DIAPH3: variants seen among roughly 807,000 people sequenced by gnomAD.
DIAPH3 encodes diaphanous related formin 3.
DIAPH3 carries 117 observed loss-of-function variants against 144.3 expected under a neutral mutation model. That is an observed-to-expected ratio of 0.81 (90% CI 0.70 to 0.95). The LOEUF (loss-of-function observed/expected upper bound fraction) is 0.95. DIAPH3 is among the 40% of genes least tolerant of loss of function. The pLI is 0.00. For missense variants in DIAPH3, 1,421 were observed against 1,412.7 expected (o/e 1.01, Z -0.09); for synonymous variants, 519 against 488.9 (o/e 1.06, Z -0.81).
intron 9 of DIAPH3, among the ~76,000 whole-genome samples, chr13:59,993,702 T>TTA (rs577489826): frequency 5.4e-5 from 4 of 73,896 alleles, no homozygotes; most frequent in Non-Finnish European, 7.5e-5. Context: ...GAAACATACT[T>TTA]AAAAAAAAAA....
At chr13:59,699,404 A>G (rs12584678) in intron 27 of DIAPH3, among the ~76,000 whole-genome samples, 3,203 of 152,324 alleles carry the variant, frequency 0.021, 84 homozygotes, top group East Asian at 0.12. Context: ...GGGCTGGAGT[A>G]GCAGAAATGA....
At chr13:59,811,258 T>C (rs2040457380) in intron 24 of DIAPH3, among the ~76,000 whole-genome samples, 1 of 152,116 alleles carries the variant, frequency 6.6e-6, no homozygotes, top group African/African-American at 2.4e-5. Context: ...CATATACATT[T>C]CCAAAAGTGT....
intron 25 of DIAPH3, among the ~76,000 whole-genome samples, chr13:59,790,470 T>C (rs1344595558): frequency 6.6e-6 from 1 of 152,226 alleles, no homozygotes; most frequent in Non-Finnish European, 1.5e-5. Flanking sequence ...ATTTCTAACA[T>C]AAACTTTGTG....
intron 24 of DIAPH3, among the ~76,000 whole-genome samples, chr13:59,812,397 AAG>A (rs778365265): frequency 2.0e-5 from 3 of 152,074 alleles, no homozygotes; most frequent in Admixed American, 1.3e-4. Flanking sequence ...GAGAAAAAAA[AAG>A]AGAGAGAGGA....
In DIAPH3 at chr13:60,088,786, T is replaced by C. The variant is rs192741586; in HGVS notation, c.495+4842A>G. ...ACAGGCCTGTGCCACTACACCCAGC[T>C]AATTTTTGTATTTTTAGGAGAGACA... On this transcript the variant is annotated intron_variant, in intron 4 of 27. Transcript: ENST00000400324. 4.6e-5 allele frequency among the ~76,000 whole-genome samples: 7 copies of C among 152,208 alleles called. No individual in the cohort carries two copies. In the East Asian group the frequency reaches 1.4e-3, roughly 29 times the overall value.
chr13:60,115,724 AAC>A (rs1408883491), intron 2 of DIAPH3, among the ~76,000 whole-genome samples: 2 of 152,142 alleles, frequency 1.3e-5, no homozygotes, highest in African/African-American at 4.8e-5. Context: ...TAAGTGAGAA[AAC>A]AGACTATTAT....
chr13:60,078,413 A>G (rs2057446541), intron 4 of DIAPH3, among the ~76,000 whole-genome samples: 1 of 152,122 alleles, frequency 6.6e-6, no homozygotes, highest in African/African-American at 2.4e-5. Flanking sequence ...TGAAGTGGGC[A>G]AGGTGGAGGT....
intron 13 of DIAPH3, among the ~76,000 whole-genome samples, chr13:59,983,193 T>G (rs1450191903): frequency 1.8e-5 from 2 of 110,142 alleles, no homozygotes; most frequent in East Asian, 2.3e-4. Context: ...TCTGTATGAG[T>G]CATTCCAAGT....
intron 27 of DIAPH3, among the ~76,000 whole-genome samples, chr13:59,758,067 C>T (rs942638365): frequency 6.6e-6 from 1 of 152,148 alleles, no homozygotes; most frequent in Non-Finnish European, 1.5e-5. Flanking sequence ...ATCAAAACTA[C>T]ACTGAGATAC....
intron 17 of DIAPH3, among the ~76,000 whole-genome samples, chr13:59,932,673 G>A (rs1372375459): frequency 2.0e-5 from 3 of 152,080 alleles, no homozygotes; most frequent in Non-Finnish European, 4.4e-5. Context: ...AGCATACTCA[G>A]GATGGTGAGT....
chr13:59,714,230 G>C (rs1355320180), intron 27 of DIAPH3, among the ~76,000 whole-genome samples: 3 of 150,656 alleles, frequency 2.0e-5, no homozygotes, highest in Non-Finnish European at 4.5e-5. Context: ...CGTAGTGGCG[G>C]GCGCCTGTAG....
At chr13:60,093,513 C>G in intron 4 of DIAPH3, 115 bp downstream of exon 4, 1 of 697,388 alleles carries the variant, frequency 1.4e-6, no homozygotes, top group East Asian at 2.7e-5. Context: ...ATTATACATT[C>G]AGAAGCCCTC....
At chr13:59,719,737 A>G (rs1211211068) in intron 27 of DIAPH3, among the ~76,000 whole-genome samples, 1 of 152,154 alleles carries the variant, frequency 6.6e-6, no homozygotes, top group Non-Finnish European at 1.5e-5. Flanking sequence ...AAGAAATGAC[A>G]GATGGCACTC....
chr13:59,700,719 A>T (rs2034065699), intron 27 of DIAPH3, among the ~76,000 whole-genome samples: 1 of 152,210 alleles, frequency 6.6e-6, no homozygotes, highest in South Asian at 2.1e-4. Flanking sequence ...TGGGAAAGAA[A>T]TAAACCTTTA....
intron 21 of DIAPH3, among the ~76,000 whole-genome samples, chr13:59,867,450 T>C (rs17728643): frequency 0.058 from 8,878 of 152,088 alleles, 309 homozygotes; most frequent in Admixed American, 0.1. Context: ...AATACTAAAT[T>C]ACTTATGGCA....
intron 20 of DIAPH3, among the ~76,000 whole-genome samples, chr13:59,904,299 T>A (rs1056709846): frequency 3.3e-5 from 5 of 152,192 alleles, no homozygotes; most frequent in Admixed American, 3.3e-4. Context: ...AGGAAACATT[T>A]AGGGGTAATG....
At chr13:59,702,972 T>G (rs1372190147) in intron 27 of DIAPH3, among the ~76,000 whole-genome samples, 1 of 152,206 alleles carries the variant, frequency 6.6e-6, no homozygotes, top group Non-Finnish European at 1.5e-5. Flanking sequence ...TCTCTCCATT[T>G]GAAACTGTAT....
chr13:59,900,455 G>C (rs887176179), intron 20 of DIAPH3, among the ~76,000 whole-genome samples: 1 of 152,000 alleles, frequency 6.6e-6, no homozygotes, highest in Non-Finnish European at 1.5e-5. Flanking sequence ...CCAACTCATG[G>C]TTAGTTTTTG....
intron 17 of DIAPH3, among the ~76,000 whole-genome samples, chr13:59,942,065 G>A (rs1566549187): frequency 6.6e-6 from 1 of 152,094 alleles, no homozygotes; most frequent in Non-Finnish European, 1.5e-5. Context: ...TAAGCCTGAA[G>A]AAGATATATA....
Sources: allele counts gnomAD v4.1 joint callset (sites outside exome capture counted in the v4.1 genomes callset), GRCh38; gene constraint gnomAD v4.1.1; transcripts MANE v1.5; gene names NCBI Gene and HGNC (gene_info 2026-07-23, HGNC 2026-07-21).